Variants in SNRPN observed in about 807,000 individuals in gnomAD.
SNRPN encodes small nuclear ribonucleoprotein-associated protein N.
SNRPN carries 7 observed loss-of-function variants against 25.2 expected under a neutral mutation model. The observed-to-expected ratio is 0.28, with a 90% confidence interval of 0.16 to 0.52. SNRPN has a LOEUF of 0.52. Ranked by LOEUF, SNRPN falls within the 20% of genes least tolerant of loss-of-function variation. The pLI, the probability that SNRPN is intolerant of heterozygous loss-of-function variation, is 0.96. For missense variants in SNRPN, 196 were observed against 322.5 expected (o/e 0.61, Z 3.00); for synonymous variants, 124 against 110.6 (o/e 1.12, Z -0.76).
At chr15:24,858,264 T>C (rs1434076364) in intron 1 of SNRPN, among the ~76,000 whole-genome samples, 1 of 152,168 alleles carries the variant, frequency 6.6e-6, no homozygotes, top group Non-Finnish European at 1.5e-5. Context: ...ATTTAAAAGC[T>C]AAACTATAAA....
chr15:24,945,972 G>A (rs1242529954), intron 3 of SNRPN, among the ~76,000 whole-genome samples: 4 of 152,154 alleles, frequency 2.6e-5, no homozygotes, highest in African/African-American at 9.7e-5. Context: ...GGCCTGTTGG[G>A]TTAGTTCCTG....
chr15:24,843,966 T>A (rs1384496906), intron 2 of SNRPN, among the ~76,000 whole-genome samples: 1 of 151,000 alleles, frequency 6.6e-6, no homozygotes, highest in Non-Finnish European at 1.5e-5. Flanking sequence ...GAGCTGACTC[T>A]GTCTTGAAAA....
chr15:24,938,211 G>A (rs1314157884), intron 3 of SNRPN, among the ~76,000 whole-genome samples: 1 of 151,654 alleles, frequency 6.6e-6, no homozygotes, highest in African/African-American at 2.4e-5. Context: ...CACCTCCCAG[G>A]TTCAAGCGAT....
At chr15:24,935,289 G>A (rs753807506) in intron 3 of SNRPN, among the ~76,000 whole-genome samples, 35 of 150,098 alleles carry the variant, frequency 2.3e-4, no homozygotes, top group Non-Finnish European at 4.3e-4. Context: ...AAAAAAGTTC[G>A]ATTTTTGTTT....
intron 1 of SNRPN, among the ~76,000 whole-genome samples, chr15:24,871,795 C>T (rs12594769): frequency 0.11 from 15,135 of 142,682 alleles, 1,027 homozygotes; most frequent in South Asian, 0.18. Context: ...AGCTCCGCCT[C>T]CCCGGTTCAC....
upstream of SNRPN, among the ~76,000 whole-genome samples, chr15:24,952,454 G>A (rs1353662682): frequency 2.0e-5 from 3 of 152,096 alleles, no homozygotes; most frequent in African/African-American, 7.2e-5. Context: ...CTCCTTCTCT[G>A]TATCTTCACT....
intron 2 of SNRPN, among the ~76,000 whole-genome samples, chr15:24,837,461 TG>T (rs2051299954): frequency 6.6e-6 from 1 of 151,388 alleles, no homozygotes. Context: ...CTCCGCCTCC[TG>T]GGTTCACGCC....
chr15:24,958,605 T>A lies in SNRPN; in HGVS notation c.-390-3509T>A, dbSNP rs576070780. On this transcript the variant is annotated intron_variant, in intron 1 of 9. Coordinates refer to ENST00000390687, the MANE Select transcript of SNRPN (RefSeq NM_003097.6). The stretch of plus-strand genomic sequence containing the variant: ...ATATCCTCTCCCTCCTCAGTCTCTC[T>A]CTGGCCACTGTGGCTGGCCCAAATT... 6.0e-5 allele frequency: 9 copies of A among 149,822 alleles called. No individual in the cohort carries two copies. In the South Asian group the frequency reaches 1.5e-3, roughly 25 times the overall value. The allele number at this position is 149,822 out of a possible 1,614,324, so 9.3% of individuals were successfully genotyped here.
intron 6 of SNRPN, 62 bp downstream of exon 6, chr15:24,976,478 G>A: frequency 8.9e-7 from 1 of 1,128,014 alleles, no homozygotes; most frequent in Non-Finnish European, 1.3e-6. Context: ...TATGTGAGAT[G>A]TCTGAAATCA....
intron 1 of SNRPN, among the ~76,000 whole-genome samples, chr15:24,881,681 C>G (rs1344087190): frequency 1.3e-5 from 2 of 151,636 alleles, no homozygotes; most frequent in African/African-American, 4.8e-5. Flanking sequence ...CGTGTTCCAG[C>G]ATAGGCCTGA....
intron 2 of SNRPN, among the ~76,000 whole-genome samples, chr15:24,907,375 A>G (rs930877729): frequency 6.6e-6 from 1 of 152,050 alleles, no homozygotes; most frequent in Non-Finnish European, 1.5e-5. Context: ...AGGCAGGCGG[A>G]TCACAAGGTC....
At chr15:24,976,793 G>A in intron 6 of SNRPN, 84 bp from the exon 7 acceptor site, 1 of 1,237,960 alleles carries the variant, frequency 8.1e-7, no homozygotes, top group Non-Finnish European at 1.2e-6. Flanking sequence ...TGGGAAAATG[G>A]TGGAGAGAAG....
chr15:24,868,989 T>C (rs2054844717), intron 1 of SNRPN, among the ~76,000 whole-genome samples: 1 of 151,864 alleles, frequency 6.6e-6, no homozygotes, highest in Non-Finnish European at 1.5e-5. Flanking sequence ...ACAACAAAAA[T>C]TTAAAATTAG....
At chr15:24,964,383 A>T (rs1463022878) in intron 2 of SNRPN, among the ~76,000 whole-genome samples, 1 of 151,994 alleles carries the variant, frequency 6.6e-6, no homozygotes, top group Non-Finnish European at 1.5e-5. Context: ...ACCTCCGCCT[A>T]CCAAGTTCAA....
chr15:24,852,531 G>A (rs1295172464), upstream of SNRPN, among the ~76,000 whole-genome samples: 1 of 152,114 alleles, frequency 6.6e-6, no homozygotes, highest in African/African-American at 2.4e-5. Context: ...TTGTCTGATG[G>A]TTTCTCATAA....
At chr15:24,911,124 A>C in intron 2 of SNRPN, 4 of 1,096,578 alleles carry the variant, frequency 3.6e-6, no homozygotes, top group Non-Finnish European at 3.8e-6. Context: ...TGCAAGAAGC[A>C]TGTTCTTGTG....
At chr15:24,959,261 G>A (rs1444352881) in intron 1 of SNRPN, among the ~76,000 whole-genome samples, 1 of 152,128 alleles carries the variant, frequency 6.6e-6, no homozygotes, top group Non-Finnish European at 1.5e-5. Flanking sequence ...GCATGTGTGT[G>A]TGTATCTAGA....
chr15:24,853,062 T>C (rs74005376), upstream of SNRPN, among the ~76,000 whole-genome samples: 268 of 152,296 alleles, frequency 1.8e-3, 7 homozygotes, highest in East Asian at 0.039. Flanking sequence ...AGAAAACTTG[T>C]TCTGTTTAGA....
intron 2 of SNRPN, among the ~76,000 whole-genome samples, chr15:24,838,074 G>A (rs928047681): frequency 4.9e-5 from 7 of 142,922 alleles, no homozygotes; most frequent in East Asian, 2.1e-4. Context: ...TCGCTCTGTC[G>A]CCTAGGCTGG....
Sources: gnomAD v4.1 joint callset for allele counts (sites outside exome capture counted in the v4.1 genomes callset) on GRCh38, gnomAD v4.1.1 for gene constraint, MANE v1.5 for transcripts, NCBI Gene and HGNC (gene_info 2026-07-23, HGNC 2026-07-21) for gene names.